ARSG: variants seen among roughly 807,000 people sequenced by gnomAD.
ARSG encodes ASG.
Under a neutral mutation model 50.5 loss-of-function variants are expected in ARSG, and 37 were observed. The observed-to-expected ratio is 0.73, with a 90% CI of 0.56 to 0.96. ARSG has a LOEUF of 0.96. ARSG is among the 50% of genes least tolerant of loss of function. The pLI is 0.00. For missense variants in ARSG, 629 were observed against 675.3 expected (o/e 0.93, Z 0.76); for synonymous variants, 225 against 254.6 (o/e 0.88, Z 1.11).
chr17:68,420,490 G>C lies in ARSG; in HGVS notation c.*27G>C. 1 of 1,596,956 alleles carries C rather than the reference G, an allele frequency of 6.3e-7. No individual in the cohort carries two copies. The highest frequency in any genetic ancestry group is 1.1e-5 in the South Asian group (1 of 89,850). ...AGACCAATTTTTATTCCACGAGGAG[G>C]AGTACCTGGAAATTAGGCAAGTTTG... is the stretch of plus-strand genomic sequence containing the variant. On this transcript the variant is annotated 3_prime_UTR_variant, in exon 12 of 12. Transcript: ENST00000621439.
the ARSG span, chr17:68,444,537 ATGTCTTTAATGT>A: frequency 6.2e-7 from 1 of 1,614,138 alleles, no homozygotes; most frequent in Non-Finnish European, 8.5e-7. Flanking sequence ...CAACAGCTTC[ATGTCTTTAATGT>A]TGTGAATATA....
upstream of ARSG, among the ~76,000 whole-genome samples, chr17:68,289,493 G>T (rs576548516): frequency 1.3e-5 from 2 of 152,308 alleles, no homozygotes; most frequent in African/African-American, 4.8e-5. Flanking sequence ...AAATGGGGTG[G>T]CTACTGTTGT....
intron 2 of ARSG, among the ~76,000 whole-genome samples, chr17:68,338,163 C>G (rs752735589): frequency 7.2e-5 from 11 of 152,056 alleles, no homozygotes; most frequent in Non-Finnish European, 1.0e-4. Context: ...TTCCTCCGTT[C>G]ACATTGAGCT....
chr17:68,342,350 A>G (rs1365056336), intron 2 of ARSG, among the ~76,000 whole-genome samples: 1 of 149,826 alleles, frequency 6.7e-6, no homozygotes, highest in Non-Finnish European at 1.5e-5. Flanking sequence ...ACATATATAT[A>G]TGTATGTGTT....
the ARSG span, among the ~76,000 whole-genome samples, chr17:68,446,186 A>T: frequency 6.8e-6 from 1 of 146,882 alleles, no homozygotes; most frequent in Middle Eastern, 3.2e-3. Flanking sequence ...ACATTTCTCA[A>T]TTTTTTTTTT....
the ARSG span, among the ~76,000 whole-genome samples, chr17:68,445,121 T>C: frequency 1.3e-5 from 2 of 152,136 alleles, no homozygotes; most frequent in Non-Finnish European, 2.9e-5. Context: ...GGTTTCACCA[T>C]GTTGATCAGG....
chr17:68,403,847 T>G (rs112192118), intron 11 of ARSG, among the ~76,000 whole-genome samples: 1 of 152,134 alleles, frequency 6.6e-6, no homozygotes, highest in African/African-American at 2.4e-5. Flanking sequence ...TCCTAATGCT[T>G]TCCCTCCCCC....
At chr17:68,296,396 T>G (rs1299594799) in intron 1 of ARSG, among the ~76,000 whole-genome samples, 1 of 152,232 alleles carries the variant, frequency 6.6e-6, no homozygotes, top group East Asian at 1.9e-4. Context: ...GTCCTGTGTT[T>G]CTAGATTCCC....
chr17:68,417,733 ATTTTTTTTTTT>A lies in ARSG; in HGVS notation c.1304-2434_1304-2424del, dbSNP rs770292731. 3.1e-4 allele frequency among the ~76,000 whole-genome samples: 19 copies of A among 60,832 alleles called. No homozygotes were observed. The East Asian group carries it at 5.7e-3, about 18-fold the overall frequency. The allele number at this position is 60,832 out of a possible 152,430, so 39.9% of individuals were successfully genotyped here. On this transcript the variant is annotated intron_variant, in intron 11 of 11. Transcript: ENST00000621439. Reference sequence around the variant, plus strand: ...CAAAAGACCTAATAAGAGTTGCTGAATTTTTTTTTTTTTTTTTTTTTTTTTTTTTTTTGAGA... The same window carrying A: ...CAAAAGACCTAATAAGAGTTGCTGAATTTTTTTTTTTTTTTTTTTTTGAGA...
In ARSG at chr17:68,419,939, A is replaced by G. The variant is rs188929509; in HGVS notation, c.1304-250A>G. On this transcript the variant is annotated intron_variant, in intron 11 of 11. Coordinates refer to ENST00000621439, the MANE Select transcript of ARSG (RefSeq NM_001267727.2). ...ACGCTACTGCATTCCAGCCTGGGCA[A>G]CGAAGCCAGACCCTGCCTCAAAAAA... 2.6e-5 allele frequency among the ~76,000 whole-genome samples: 4 copies of G among 152,318 alleles called. No individual in the cohort carries two copies. In the East Asian group the frequency reaches 7.7e-4, roughly 29 times the overall value.
At chr17:68,317,397 C>T (rs2077107539) in intron 2 of ARSG, among the ~76,000 whole-genome samples, 2 of 150,884 alleles carry the variant, frequency 1.3e-5, no homozygotes, top group South Asian at 2.1e-4. Context: ...ATGTGGGGGT[C>T]GATTATGTGG....
intron 9 of ARSG, among the ~76,000 whole-genome samples, chr17:68,392,495 T>TTTTA (rs1385702824): frequency 6.6e-6 from 1 of 152,154 alleles, no homozygotes; most frequent in Non-Finnish European, 1.5e-5. Context: ...CATTCGCTAT[T>TTTTA]TTTATTTATT....
rs1555748829 is a variant in ARSG at position 68,271,591 on chromosome 17, T to G, written c.-552+12165T>G. ...TGCTCCGAAGATGACAATGTTTAACTGTAGTAGGCCCACGAAGAGGAGGCT... is the reference window on the plus strand; with the variant it reads ...TGCTCCGAAGATGACAATGTTTAACGGTAGTAGGCCCACGAAGAGGAGGCT... On this transcript the variant is annotated intron_variant, in intron 1 of 11. Transcript: ENST00000448504. This position sits in a 1 kb window ranked among gnomAD's most constrained non-coding sequence, Gnocchi z 5.3. The G allele has an allele frequency of 6.2e-7, 1 of 1,614,178 alleles. No homozygotes were observed. The highest frequency in any genetic ancestry group is 1.7e-5 in the Admixed American group (1 of 60,026).
At chr17:68,329,654 C>G (rs530828427) in intron 2 of ARSG, among the ~76,000 whole-genome samples, 2 of 152,170 alleles carry the variant, frequency 1.3e-5, no homozygotes, top group East Asian at 3.9e-4. Flanking sequence ...GTGCTGACTT[C>G]GAATTTGCTT....
rs190680884 is a variant in ARSG, at chr17:68,310,805, C to T, written c.218+3094C>T. On this transcript the variant is annotated intron_variant, in intron 2 of 11. Transcript: ENST00000621439. ...CTCACCCACTCCAGTTCTTCCTCAC[C>T]TCCATCAAGGTGAACTTTGTAGAAA... 2.0e-5 allele frequency among the ~76,000 whole-genome samples: 3 copies of T among 152,316 alleles called. No homozygotes were observed. The East Asian group carries it at 5.8e-4, about 29-fold the overall frequency.
rs561413795 is a variant in ARSG, at chr17:68,294,995, A to G, written c.-552+3427A>G. 9.5e-4 allele frequency among the ~76,000 whole-genome samples: 144 copies of G among 152,292 alleles called. 2 individuals carry two copies. The highest frequency in any genetic ancestry group is 1.3e-3 in the Non-Finnish European group (88 of 68,024). On this transcript the variant is annotated intron_variant, in intron 1 of 11. Coordinates refer to ENST00000621439, the MANE Select transcript of ARSG (RefSeq NM_001267727.2). ...ATAATAATACTACAGAGTTGTGTGC[A>G]TGGCTTAGTACAGTTGCTAAGTTAA... is the stretch of plus-strand genomic sequence containing the variant.
upstream of ARSG, among the ~76,000 whole-genome samples, chr17:68,287,347 A>G (rs1475521528): frequency 6.6e-6 from 1 of 150,566 alleles, no homozygotes; most frequent in Non-Finnish European, 1.5e-5. Flanking sequence ...TTTAATAGAG[A>G]CAGGGTCTCC....
chr17:68,309,202 G>C (rs1033036425), intron 2 of ARSG, among the ~76,000 whole-genome samples: 2 of 152,224 alleles, frequency 1.3e-5, no homozygotes, highest in African/African-American at 2.4e-5. Flanking sequence ...TGGCTGCTCC[G>C]AGTGCGGGGC....
rs1030218134 is a variant in ARSG at position 68,342,986 on chromosome 17, A to T, written c.219-618A>T. Among the ~76,000 whole-genome samples the T allele has an allele frequency of 3.3e-5, 5 of 152,242 alleles. No homozygotes were observed. In the East Asian group the frequency reaches 9.6e-4, roughly 29 times the overall value. On this transcript the variant is annotated intron_variant, in intron 2 of 11. Transcript: ENST00000621439. Reference sequence around the variant, plus strand: ...AAGTATTGATTTTGGGATTAAAAACATACAACGTTAGTAAGTAGGCACATT... The same window carrying T: ...AAGTATTGATTTTGGGATTAAAAACTTACAACGTTAGTAAGTAGGCACATT...
Sources: allele counts gnomAD v4.1 joint callset (sites outside exome capture counted in the v4.1 genomes callset), GRCh38; gene constraint gnomAD v4.1.1; non-coding constraint Gnocchi (gnomAD v3.1); transcripts MANE v1.5; gene names NCBI Gene and HGNC (gene_info 2026-07-23, HGNC 2026-07-21).